Variants in RTTN observed in about 807,000 individuals in gnomAD.
RTTN encodes rotatin.
A neutral mutation model predicts 269.2 loss-of-function variants in RTTN; 182 were observed. The observed-to-expected ratio is 0.68, with a 90% CI of 0.60 to 0.76. The LOEUF is 0.76. Ranked by LOEUF, RTTN falls within the 30% of genes least tolerant of loss-of-function variation. The pLI is 0.00. For missense variants in RTTN, 2,545 were observed against 2,608.6 expected, an observed-to-expected ratio of 0.98 and a Z score of 0.53; for synonymous variants, 1,006 against 963.5, an observed-to-expected ratio of 1.04 and a Z score of -0.82.
At chr18:70,128,739 C>G (rs1354045838) in intron 23 of RTTN, 193 bp from the exon 24 acceptor site, 1 of 519,248 alleles carries the variant, frequency 1.9e-6, no homozygotes, top group Non-Finnish European at 3.5e-6. Context: ...CCTCTAAACT[C>G]CCCAGAACAC....
intron 35 of RTTN, 80 bp from the exon 36 acceptor site, chr18:70,060,122 A>G: frequency 1.7e-6 from 2 of 1,200,898 alleles, no homozygotes; most frequent in Non-Finnish European, 2.3e-6. Flanking sequence ...TAATCATAGG[A>G]AAGTTCCTGA....
chr18:70,034,840 A>G (rs1345472333), intron 40 of RTTN, among the ~76,000 whole-genome samples: 2 of 152,244 alleles, frequency 1.3e-5, no homozygotes, highest in African/African-American at 4.8e-5. Context: ...AAACAATTTT[A>G]GCAAAGTCTC....
chr18:70,078,112 A>G (rs1178047890), intron 32 of RTTN, among the ~76,000 whole-genome samples: 1 of 151,922 alleles, frequency 6.6e-6, no homozygotes, highest in Admixed American at 6.6e-5. Context: ...AATGGAAAAA[A>G]GGTACATAAT....
chr18:70,137,724 C>T (rs1281369327), intron 21 of RTTN, among the ~76,000 whole-genome samples: 1 of 152,098 alleles, frequency 6.6e-6, no homozygotes, highest in Non-Finnish European at 1.5e-5. Flanking sequence ...TGCCACATTC[C>T]CTAGAAACAA....
chr18:70,021,539 G>T (rs935349857), intron 44 of RTTN, among the ~76,000 whole-genome samples: 14 of 152,134 alleles, frequency 9.2e-5, no homozygotes. Flanking sequence ...TTCTGTAAAA[G>T]AAACTCATAA....
intron 2 of RTTN, 139 bp downstream of exon 2, chr18:70,204,989 A>G (rs891421839): frequency 1.3e-6 from 1 of 764,376 alleles, no homozygotes; most frequent in Non-Finnish European, 2.1e-6. Context: ...ATATACCCAG[A>G]TTAATTAAAA....
intron 28 of RTTN, among the ~76,000 whole-genome samples, chr18:70,093,929 CTT>C (rs967177476): frequency 1.3e-5 from 2 of 152,108 alleles, no homozygotes; most frequent in Non-Finnish European, 2.9e-5. Context: ...CCCTCTGGTC[CTT>C]TTCTTGGTTG....
intron 11 of RTTN, among the ~76,000 whole-genome samples, 170 bp downstream of exon 11, chr18:70,176,505 T>A (rs1411725246): frequency 1.3e-5 from 2 of 152,192 alleles, no homozygotes; most frequent in Non-Finnish European, 2.9e-5. Flanking sequence ...TTGTTCAAAA[T>A]GTTAGCCATT....
intron 32 of RTTN, among the ~76,000 whole-genome samples, chr18:70,080,432 C>A (rs1305051502): frequency 6.6e-6 from 1 of 152,020 alleles, no homozygotes; most frequent in African/African-American, 2.4e-5. Context: ...GACACAAGAA[C>A]CATTATGAAG....
intron 40 of RTTN, among the ~76,000 whole-genome samples, chr18:70,040,976 T>C (rs961124697): frequency 1.3e-5 from 2 of 152,124 alleles, no homozygotes; most frequent in Admixed American, 6.5e-5. Context: ...TCCCAGCCCT[T>C]CGGGAGGCCA....
intron 28 of RTTN, among the ~76,000 whole-genome samples, chr18:70,097,524 TA>T (rs1197219410): frequency 6.6e-6 from 1 of 152,246 alleles, no homozygotes; most frequent in African/African-American, 2.4e-5. Context: ...GATTCTTTCC[TA>T]ATATTTGCCT....
At chr18:70,048,957 G>A (rs1241851271) in intron 39 of RTTN, among the ~76,000 whole-genome samples, 2 of 152,028 alleles carry the variant, frequency 1.3e-5, no homozygotes, top group Non-Finnish European at 2.9e-5. Flanking sequence ...AACCATTTAT[G>A]CAGTAAGTTA....
intron 10 of RTTN, among the ~76,000 whole-genome samples, chr18:70,181,574 T>C (rs1418570051): frequency 6.6e-6 from 1 of 152,176 alleles, no homozygotes; most frequent in African/African-American, 2.4e-5. Flanking sequence ...GTTCCAGACA[T>C]GATTGATGTT....
chr18:70,162,299 A>T lies in RTTN; in HGVS notation c.1929+3763T>A, dbSNP rs189588349. Among the ~76,000 whole-genome samples the T allele has an allele frequency of 1.8e-3, 280 of 152,290 alleles. 1 individual carries two copies. The highest frequency in any genetic ancestry group is 9.8e-3 in the South Asian group (47 of 4,818). On this transcript the variant is annotated intron_variant, in intron 14 of 48. Coordinates refer to ENST00000640769, the MANE Select transcript of RTTN (RefSeq NM_173630.4). ...CATTCTCACTTAGAAGTGGGAACTA[A>T]ACACTGCGTATACACATGGATACAA...
intron 48 of RTTN, among the ~76,000 whole-genome samples, chr18:70,004,715 A>G (rs1417248862): frequency 6.6e-6 from 1 of 152,232 alleles, no homozygotes; most frequent in Non-Finnish European, 1.5e-5. Flanking sequence ...AAATGTTCAG[A>G]GAATAACGCT....
At chr18:70,013,522 A>C (rs776486571) in intron 46 of RTTN, among the ~76,000 whole-genome samples, 1 of 150,764 alleles carries the variant, frequency 6.6e-6, no homozygotes, top group Non-Finnish European at 1.5e-5. Flanking sequence ...CATATAACAA[A>C]GCAATAAAAC....
intron 34 of RTTN, among the ~76,000 whole-genome samples, chr18:70,069,423 G>T (rs1451836620): frequency 6.6e-6 from 1 of 152,140 alleles, no homozygotes; most frequent in African/African-American, 2.4e-5. Context: ...TCTTCAGTGT[G>T]TTTGTAAGCA....
intron 25 of RTTN, among the ~76,000 whole-genome samples, chr18:70,124,871 A>G (rs528718706): frequency 4.9e-4 from 74 of 152,114 alleles, no homozygotes; most frequent in Middle Eastern, 3.4e-3. Flanking sequence ...AAATGGAGAA[A>G]AACAGTAGCA....
chr18:70,177,069 A>C (rs1314433644), intron 10 of RTTN, among the ~76,000 whole-genome samples: 1 of 152,248 alleles, frequency 6.6e-6, no homozygotes, highest in African/African-American at 2.4e-5. Flanking sequence ...ATAATCTTTT[A>C]AGTATTTAAT....
Sources: gnomAD v4.1 joint callset for allele counts (sites outside exome capture counted in the v4.1 genomes callset) on GRCh38, gnomAD v4.1.1 for gene constraint, MANE v1.5 for transcripts, NCBI Gene and HGNC (gene_info 2026-07-23, HGNC 2026-07-21) for gene names.